Variants in ADGRB3 observed in about 807,000 individuals in gnomAD.
The protein encoded by ADGRB3 is brain-specific angiogenesis inhibitor 3.
Under a neutral mutation model 193.4 loss-of-function variants are expected in ADGRB3, and 37 were observed. The observed-to-expected ratio is 0.19, with a 90% CI of 0.15 to 0.25. The LOEUF is 0.25. Ranked by LOEUF, ADGRB3 falls within the 10% of genes least tolerant of loss-of-function variation. ADGRB3 has a pLI of 1.00. For missense variants in ADGRB3, 1,637 were observed against 1,852.9 expected, an observed-to-expected ratio of 0.88 and a Z score of 2.14; for synonymous variants, 690 against 644.2, an observed-to-expected ratio of 1.07 and a Z score of -1.08.
intron 17 of ADGRB3, among the ~76,000 whole-genome samples, chr6:69,139,401 T>C (rs191305803): frequency 3.9e-4 from 60 of 152,344 alleles, no homozygotes; most frequent in African/African-American, 1.4e-3. Flanking sequence ...TCAGGCATTC[T>C]GCTCTCAGTG....
intron 26 of ADGRB3, among the ~76,000 whole-genome samples, chr6:69,351,692 G>A (rs567823123): frequency 1.3e-5 from 2 of 152,120 alleles, no homozygotes; most frequent in Non-Finnish European, 2.9e-5. Flanking sequence ...GTAGTGAAAG[G>A]TATTGATTTT....
chr6:68,774,568 C>T lies in ADGRB3; in HGVS notation c.757+135136C>T, dbSNP rs150400761. 3.6e-4 allele frequency among the ~76,000 whole-genome samples: 55 copies of T among 151,886 alleles called. 1 individual carries two copies. The East Asian group carries it at 9.7e-3, about 27-fold the overall frequency. On this transcript the variant is annotated intron_variant, in intron 3 of 31. Transcript: ENST00000370598. ...TTCAGGTACTTTTTATTACAGGAAA[C>T]CTATTATGGATAGTAGGTATTAGCA...
chr6:69,307,177 C>T (rs1260158541), intron 20 of ADGRB3, among the ~76,000 whole-genome samples: 3 of 151,226 alleles, frequency 2.0e-5, no homozygotes, highest in African/African-American at 7.3e-5. Flanking sequence ...AGTAACTGCT[C>T]CTTTTCGTTG....
intron 3 of ADGRB3, among the ~76,000 whole-genome samples, chr6:68,679,964 G>A (rs144245836): frequency 6.6e-6 from 1 of 152,236 alleles, no homozygotes; most frequent in African/African-American, 2.4e-5. Flanking sequence ...AGGAGGTAGT[G>A]CCTTCAGGAA....
At chr6:68,968,937 A>C (rs142168257) in intron 8 of ADGRB3, among the ~76,000 whole-genome samples, 1 of 152,284 alleles carries the variant, frequency 6.6e-6, no homozygotes, top group East Asian at 1.9e-4. Flanking sequence ...TGCACTAGCC[A>C]CATTTTCCTA....
intron 3 of ADGRB3, among the ~76,000 whole-genome samples, chr6:68,815,476 C>A (rs974026161): frequency 2.0e-4 from 30 of 152,110 alleles, no homozygotes; most frequent in African/African-American, 7.0e-4. Context: ...CTAGGAGGCC[C>A]TTATTATTAA....
intron 3 of ADGRB3, among the ~76,000 whole-genome samples, chr6:68,691,053 A>G (rs955458063): frequency 4.1e-4 from 62 of 152,228 alleles, no homozygotes; most frequent in Non-Finnish European, 1.6e-4. Flanking sequence ...ATTGCCAAAA[A>G]TACTTTTAAC....
At chr6:69,322,156 A>G (rs1349704946) in intron 20 of ADGRB3, among the ~76,000 whole-genome samples, 1 of 151,736 alleles carries the variant, frequency 6.6e-6, no homozygotes, top group Non-Finnish European at 1.5e-5. Context: ...CTCCACCTCC[A>G]TCCATGTTCC....
At chr6:68,740,247 C>T (rs1161598924) in intron 3 of ADGRB3, among the ~76,000 whole-genome samples, 1 of 152,028 alleles carries the variant, frequency 6.6e-6, no homozygotes, top group Admixed American at 6.6e-5. Context: ...TTTCAAAGAC[C>T]TCTGTTATCA....
intron 3 of ADGRB3, among the ~76,000 whole-genome samples, chr6:68,787,351 T>C (rs2127364481): frequency 6.6e-6 from 1 of 152,224 alleles, no homozygotes; most frequent in East Asian, 1.9e-4. Flanking sequence ...TGATTGAGGG[T>C]TTTTAGCATG....
rs182770470 is a variant in ADGRB3, at chr6:69,316,115, G to T, written c.2815-8757G>T. On this transcript the variant is annotated intron_variant, in intron 20 of 31. Transcript: ENST00000370598. ...ACTTACAAGATGTGTATCTAATACT[G>T]CTTATTTTTAAGATGCTAACACCTT... is the stretch of plus-strand genomic sequence containing the variant. Among the ~76,000 whole-genome samples the T allele has an allele frequency of 2.3e-4, 35 of 150,930 alleles. No individual in the cohort carries two copies. In the East Asian group the frequency reaches 6.8e-3, roughly 30 times the overall value.
chr6:69,122,999 A>ATGTGT (rs1773758680), intron 17 of ADGRB3, among the ~76,000 whole-genome samples: 1 of 149,322 alleles, frequency 6.7e-6, no homozygotes. Flanking sequence ...CATACGTGTG[A>ATGTGT]GTGTGTGTGT....
At chr6:68,679,439 A>G (rs1212731014) in intron 3 of ADGRB3, among the ~76,000 whole-genome samples, 1 of 152,168 alleles carries the variant, frequency 6.6e-6, no homozygotes, top group Non-Finnish European at 1.5e-5. Context: ...TTGGAATGGA[A>G]GAGCCACTTC....
chr6:69,228,350 A>G (rs192214857), intron 17 of ADGRB3, among the ~76,000 whole-genome samples: 2 of 152,368 alleles, frequency 1.3e-5, no homozygotes, highest in Admixed American at 6.5e-5. Context: ...TCGACATAAT[A>G]TAGTTCTCAA....
At chr6:69,358,874 A>G (rs1012269560) in intron 28 of ADGRB3, among the ~76,000 whole-genome samples, 3 of 151,852 alleles carry the variant, frequency 2.0e-5, no homozygotes, top group Admixed American at 6.6e-5. Flanking sequence ...TCTCGTATAG[A>G]GCAGCCACTA....
intron 17 of ADGRB3, among the ~76,000 whole-genome samples, chr6:69,149,820 C>T (rs1041044642): frequency 6.6e-6 from 1 of 152,092 alleles, no homozygotes. Flanking sequence ...TTGGTGGTCT[C>T]GCGTAGCATC....
At chr6:69,057,613 C>CCTGGTT (rs1308101570) in intron 15 of ADGRB3, among the ~76,000 whole-genome samples, 20 of 151,662 alleles carry the variant, frequency 1.3e-4, no homozygotes, top group Admixed American at 1.3e-3. Context: ...TCTTCATATT[C>CCTGGTT]CTGGTTCATT....
chr6:68,870,115 A>G (rs1765415899), intron 3 of ADGRB3, among the ~76,000 whole-genome samples: 1 of 152,194 alleles, frequency 6.6e-6, no homozygotes, highest in Non-Finnish European at 1.5e-5. Context: ...AGCCAAACTT[A>G]TCTTTCCTAA....
chr6:69,152,732 T>G (rs928875933), intron 17 of ADGRB3, among the ~76,000 whole-genome samples: 8 of 152,136 alleles, frequency 5.3e-5, no homozygotes, highest in Admixed American at 3.3e-4. Flanking sequence ...TTAAGAAAAT[T>G]TTTAGTGGCA....
Sources: allele counts gnomAD v4.1 joint callset (sites outside exome capture counted in the v4.1 genomes callset), GRCh38; gene constraint gnomAD v4.1.1; transcripts MANE v1.5; gene names NCBI Gene and HGNC (gene_info 2026-07-23, HGNC 2026-07-21).